Variants in PTPDC1 observed in about 807,000 individuals in gnomAD.
PTPDC1 encodes protein tyrosine phosphatase domain containing 1.
A neutral mutation model predicts 75.3 loss-of-function variants in PTPDC1; 53 were observed. The ratio of observed to expected loss-of-function variants is 0.70; its 90% CI spans 0.56 to 0.88. The LOEUF (loss-of-function observed/expected upper bound fraction) is 0.88. Ranked by LOEUF, PTPDC1 falls within the 40% of genes least tolerant of loss-of-function variation. The probability of loss-of-function intolerance (pLI) is 0.00; values close to 1 mark genes in which losing one functional copy is unlikely to be tolerated. For missense variants in PTPDC1, 925 were observed against 998.6 expected (o/e 0.93, Z 0.99); for synonymous variants, 349 against 366.2 (o/e 0.95, Z 0.54).
chr9:94,074,456 C>A lies in PTPDC1; in HGVS notation c.82+9635C>A, dbSNP rs111321962. On this transcript the variant is annotated intron_variant, in intron 2 of 9. Coordinates refer to the PTPDC1 transcript ENST00000375360. Reference sequence around the variant, plus strand: ...CTGCCACCTAGGAAGAAGTAGAGGGCAACTCACACTGCTTTGTTTCTGCAA... The same window carrying A: ...CTGCCACCTAGGAAGAAGTAGAGGGAAACTCACACTGCTTTGTTTCTGCAA... Among the ~76,000 whole-genome samples, 201 of 152,286 alleles carry A rather than the reference C, an allele frequency of 1.3e-3. 1 individual carries two copies. Among genetic ancestry groups the A allele is most frequent in the African/African-American group, 4.6e-3 (192 of 41,550 alleles).
intron 4 of PTPDC1, among the ~76,000 whole-genome samples, chr9:94,092,482 CT>C (rs1230583017): frequency 1.4e-5 from 2 of 145,346 alleles, no homozygotes; most frequent in African/African-American, 2.6e-5. Flanking sequence ...TTTACATTTG[CT>C]GAGGAGAGCT....
chr9:94,107,979 TC>T lies in PTPDC1; in HGVS notation c.*37del. The T allele has an allele frequency of 7.9e-7, 1 of 1,269,036 alleles. No individual in the cohort carries two copies. Among genetic ancestry groups the T allele is most frequent in the Non-Finnish European group, 1.1e-6 (1 of 908,914 alleles). The allele number at this position is 1,269,036 out of a possible 1,614,324, so 78.6% of individuals were successfully genotyped here. On this transcript the variant is annotated 3_prime_UTR_variant, in exon 9 of 9. Transcript: ENST00000620992. ...GTGGTGAATATTTCAGACCTAAAGA[TC>T]CAGATAGTATCTCTGTTCATATGTG...
chr9:94,086,119 A>G (rs545681035), intron 2 of PTPDC1, among the ~76,000 whole-genome samples: 5 of 152,286 alleles, frequency 3.3e-5, no homozygotes, highest in Non-Finnish European at 7.3e-5. Context: ...TCAAGAACCC[A>G]TTTTTCAATT....
At chr9:94,073,803 C>T (rs192175910) in intron 2 of PTPDC1, among the ~76,000 whole-genome samples, 9 of 152,178 alleles carry the variant, frequency 5.9e-5, no homozygotes, top group African/African-American at 1.9e-4. Context: ...TTATTCAGTT[C>T]TGTGTGTTTT....
chr9:94,071,708 C>T (rs1043642302), intron 2 of PTPDC1, among the ~76,000 whole-genome samples: 12 of 152,128 alleles, frequency 7.9e-5, no homozygotes, highest in Non-Finnish European at 1.8e-4. Context: ...TGATTCTTCC[C>T]ACTTACCCTC....
At chr9:94,067,010 A>G (rs1038510167) in intron 2 of PTPDC1, among the ~76,000 whole-genome samples, 11 of 152,172 alleles carry the variant, frequency 7.2e-5, no homozygotes, top group African/African-American at 2.7e-4. Context: ...AGCTTTAACA[A>G]TCTCAGCCAC....
At chr9:94,043,128 C>A (rs543608945) in intron 1 of PTPDC1, among the ~76,000 whole-genome samples, 1 of 152,206 alleles carries the variant, frequency 6.6e-6, no homozygotes, top group African/African-American at 2.4e-5. Context: ...CAGCTTCTTC[C>A]TAACTCCTGT....
intron 4 of PTPDC1, among the ~76,000 whole-genome samples, chr9:94,089,329 G>T (rs1156701721): frequency 6.7e-6 from 1 of 149,802 alleles, no homozygotes; most frequent in Non-Finnish European, 1.5e-5. Context: ...AATATGCGGT[G>T]TTTGCTTTTT....
chr9:94,098,288 G>GC lies in PTPDC1; in HGVS notation c.1723dup (p.Gln575ProfsTer8). The GC allele has an allele frequency of 6.2e-7, 1 of 1,614,216 alleles. No individual in the cohort carries two copies. Among genetic ancestry groups the GC allele is most frequent in the Middle Eastern group, 1.6e-4 (1 of 6,062 alleles). ...ATAAGGATCCAAACCCTGCTCACCAGCAAGTGTCTCACTGTCAGTGTAAAA... is the reference window on the plus strand; with the variant it reads ...ATAAGGATCCAAACCCTGCTCACCAGCCAAGTGTCTCACTGTCAGTGTAAAA... On this transcript the variant is annotated frameshift_variant, in exon 6 of 9. Coordinates refer to ENST00000620992, the MANE Select transcript of PTPDC1 (RefSeq NM_001253829.2). LOFTEE classifies it high-confidence loss of function.
intron 1 of PTPDC1, among the ~76,000 whole-genome samples, chr9:94,045,804 C>G (rs1052560887): frequency 1.3e-5 from 2 of 151,310 alleles, no homozygotes; most frequent in Non-Finnish European, 3.0e-5. Context: ...TGCCTGTTCA[C>G]TCTGATGGTA....
At chr9:94,052,518 G>A (rs948156756) in intron 1 of PTPDC1, among the ~76,000 whole-genome samples, 1 of 151,994 alleles carries the variant, frequency 6.6e-6, no homozygotes, top group Non-Finnish European at 1.5e-5. Context: ...TTTTCTGCCT[G>A]CTTAATCAGT....
intron 2 of PTPDC1, among the ~76,000 whole-genome samples, chr9:94,065,468 C>A (rs563529710): frequency 6.6e-6 from 1 of 152,322 alleles, no homozygotes; most frequent in East Asian, 1.9e-4. Context: ...TCACTTTAGT[C>A]CTACTGTATG....
At position 94,108,602 on chromosome 9, in the gene PTPDC1, A is replaced by G; in HGVS notation, c.*658A>G. On this transcript the variant is annotated 3_prime_UTR_variant, in exon 9 of 9. Coordinates refer to ENST00000620992, the MANE Select transcript of PTPDC1 (RefSeq NM_001253829.2). ...TGGTTGGGATTTTTTGCTTGTAGAA[A>G]GTAGACTTGCTCTTTGTCAGATTTC... is the stretch of plus-strand genomic sequence containing the variant. 6.6e-6 allele frequency: 1 copy of G among 152,290 alleles called. No homozygotes were observed. The highest frequency in any genetic ancestry group is 1.9e-4 in the East Asian group (1 of 5,200). 9.4% of individuals were successfully genotyped at this position (152,290 alleles called of 1,614,324 possible).
chr9:94,068,934 C>T (rs923925430), intron 2 of PTPDC1, among the ~76,000 whole-genome samples: 7 of 152,050 alleles, frequency 4.6e-5, no homozygotes, highest in African/African-American at 1.5e-4. Context: ...CTTCAGTTTC[C>T]CCATATTTGG....
chr9:94,077,246 CG>C (rs1444407922), intron 2 of PTPDC1, among the ~76,000 whole-genome samples: 3 of 152,118 alleles, frequency 2.0e-5, no homozygotes, highest in African/African-American at 7.2e-5. Flanking sequence ...ACCAGATGTG[CG>C]GGGTTTTTTC....
upstream of PTPDC1, among the ~76,000 whole-genome samples, chr9:94,080,488 A>G (rs1826841401): frequency 6.6e-6 from 1 of 152,194 alleles, no homozygotes; most frequent in African/African-American, 2.4e-5. Flanking sequence ...ATTCTTTAGC[A>G]CTGTCCACTG....
At chr9:94,044,309 A>G (rs1417331956) in intron 1 of PTPDC1, among the ~76,000 whole-genome samples, 4 of 152,168 alleles carry the variant, frequency 2.6e-5, no homozygotes, top group African/African-American at 7.2e-5. Flanking sequence ...ATTTATTTAG[A>G]TTTACTTTAA....
chr9:94,064,735 C>T, exon 2 of PTPDC1: 1 of 1,610,236 alleles, frequency 6.2e-7, no homozygotes. Flanking sequence ...TTCCAACAGA[C>T]TACCATGGCT....
chr9:94,062,719 A>T (rs1188667285), intron 1 of PTPDC1, among the ~76,000 whole-genome samples: 1 of 152,174 alleles, frequency 6.6e-6, no homozygotes, highest in Non-Finnish European at 1.5e-5. Context: ...TTCATGAAGG[A>T]TCCATCCTTA....
Sources: gnomAD v4.1 joint callset for allele counts (sites outside exome capture counted in the v4.1 genomes callset) on GRCh38, gnomAD v4.1.1 for gene constraint, MANE v1.5 for transcripts, NCBI Gene and HGNC (gene_info 2026-07-23, HGNC 2026-07-21) for gene names.